Variants in ESRRG observed in about 807,000 individuals in gnomAD.
ESRRG encodes estrogen related receptor gamma.
In ESRRG, 13 loss-of-function variants were observed where a neutral mutation model predicts 44.0. The ratio of observed to expected loss-of-function variants is 0.30; its 90% CI spans 0.19 to 0.47. The LOEUF is 0.47. Ranked by LOEUF, ESRRG falls within the 20% of genes least tolerant of loss-of-function variation. The probability of loss-of-function intolerance (pLI) is 1.00; values close to 1 mark genes in which losing one functional copy is unlikely to be tolerated. For missense variants in ESRRG, 395 were observed against 580.6 expected, an observed-to-expected ratio of 0.68 and a Z score of 3.29; for synonymous variants, 215 against 214.6, an observed-to-expected ratio of 1.00 and a Z score of -0.02.
intron 5 of ESRRG, among the ~76,000 whole-genome samples, chr1:216,529,740 G>T (rs2048729982): frequency 6.6e-6 from 1 of 152,098 alleles, no homozygotes; most frequent in South Asian, 2.1e-4. Flanking sequence ...CACACGTGAA[G>T]TTTAATAATA....
At chr1:216,564,632 A>G (rs1336276374) in intron 4 of ESRRG, among the ~76,000 whole-genome samples, 1 of 152,104 alleles carries the variant, frequency 6.6e-6, no homozygotes, top group East Asian at 1.9e-4. Context: ...GCTGGAATGA[A>G]GCGTCTGTCC....
At chr1:217,123,293 C>T in intron 1 of ESRRG, among the ~76,000 whole-genome samples, 1 of 152,098 alleles carries the variant, frequency 6.6e-6, no homozygotes, top group East Asian at 1.9e-4. Context: ...CCTTGTCATT[C>T]TCCTCCCTCC....
At chr1:217,057,100 C>T (rs1282205056) in intron 1 of ESRRG, among the ~76,000 whole-genome samples, 2 of 152,096 alleles carry the variant, frequency 1.3e-5, no homozygotes, top group Admixed American at 1.3e-4. Context: ...TAAGCCCCCA[C>T]CAGTGAGAAA....
intron 2 of ESRRG, among the ~76,000 whole-genome samples, chr1:216,871,288 C>T (rs1223740043): frequency 6.6e-6 from 1 of 151,948 alleles, no homozygotes; most frequent in Non-Finnish European, 1.5e-5. Context: ...AGACATTTTC[C>T]TATCTTTCTC....
intron 1 of ESRRG, among the ~76,000 whole-genome samples, chr1:216,978,982 C>A (rs1319260770): frequency 6.6e-6 from 1 of 152,156 alleles, no homozygotes; most frequent in Non-Finnish European, 1.5e-5. Flanking sequence ...TCTTCTCTTT[C>A]ACTCACTTAA....
At chr1:216,783,929 A>T (rs978707731) in intron 2 of ESRRG, among the ~76,000 whole-genome samples, 1 of 152,076 alleles carries the variant, frequency 6.6e-6, no homozygotes, top group Non-Finnish European at 1.5e-5. Context: ...TTTCAAAATC[A>T]TATTAGCTTG....
chr1:216,521,026 A>G (rs530954409), intron 5 of ESRRG, among the ~76,000 whole-genome samples: 1 of 152,282 alleles, frequency 6.6e-6, no homozygotes, highest in South Asian at 2.1e-4. Context: ...AAATCATCAG[A>G]AGAGATGAGT....
At chr1:217,040,173 C>T (rs933580633) in intron 1 of ESRRG, among the ~76,000 whole-genome samples, 5 of 152,148 alleles carry the variant, frequency 3.3e-5, no homozygotes, top group African/African-American at 1.2e-4. Context: ...TGTTGCTATA[C>T]ATTTTTTTGA....
At chr1:216,509,972 G>A (rs1350721098) in intron 6 of ESRRG, among the ~76,000 whole-genome samples, 1 of 152,162 alleles carries the variant, frequency 6.6e-6, no homozygotes, top group Non-Finnish European at 1.5e-5. Context: ...ATTAATGTAT[G>A]TAATTTATTT....
intron 2 of ESRRG, among the ~76,000 whole-genome samples, chr1:216,843,984 A>G (rs7516551): frequency 0.46 from 69,001 of 151,630 alleles, 17,030 homozygotes; most frequent in African/African-American, 0.65. Context: ...ATTTTACCTC[A>G]TGCACTGTTT....
intron 1 of ESRRG, among the ~76,000 whole-genome samples, chr1:217,030,994 T>G (rs1299406482): frequency 2.0e-5 from 3 of 152,200 alleles, no homozygotes; most frequent in African/African-American, 7.2e-5. Flanking sequence ...AAATTTAAAA[T>G]TAAAAATGTG....
intron 1 of ESRRG, among the ~76,000 whole-genome samples, chr1:216,997,087 G>A (rs182434961): frequency 5.3e-4 from 80 of 152,224 alleles, no homozygotes; most frequent in Non-Finnish European, 8.1e-4. Context: ...TGCCAAAAAC[G>A]TGGAGAAGAA....
At chr1:216,982,087 C>T (rs2074065177) in intron 1 of ESRRG, among the ~76,000 whole-genome samples, 1 of 152,174 alleles carries the variant, frequency 6.6e-6, no homozygotes, top group African/African-American at 2.4e-5. Flanking sequence ...AAAACTCTTT[C>T]CCCAAAATGC....
At chr1:216,663,450 A>G (rs977298091) in intron 2 of ESRRG, among the ~76,000 whole-genome samples, 1 of 152,336 alleles carries the variant, frequency 6.6e-6, no homozygotes, top group Admixed American at 6.5e-5. Context: ...TCAGCTCTAC[A>G]TTCTAAATTA....
intron 1 of ESRRG, among the ~76,000 whole-genome samples, chr1:216,721,741 C>T (rs1412640944): frequency 6.6e-6 from 1 of 152,242 alleles, no homozygotes; most frequent in Non-Finnish European, 1.5e-5. Context: ...ATAAGACATT[C>T]TTCCTGACAC....
chr1:216,963,134 G>T (rs902042099), intron 1 of ESRRG, among the ~76,000 whole-genome samples: 1 of 152,110 alleles, frequency 6.6e-6, no homozygotes, highest in Non-Finnish European at 1.5e-5. Flanking sequence ...ACTATAAGGC[G>T]CTATATAAAT....
At chr1:217,074,486 A>G (rs530722424) in intron 1 of ESRRG, among the ~76,000 whole-genome samples, 1 of 151,392 alleles carries the variant, frequency 6.6e-6, no homozygotes, top group South Asian at 2.1e-4. Flanking sequence ...TTTTCTAAGT[A>G]ATTTGTATGA....
chr1:217,131,107 A>C (rs2092959201), intron 1 of ESRRG, among the ~76,000 whole-genome samples: 1 of 152,214 alleles, frequency 6.6e-6, no homozygotes, highest in Non-Finnish European at 1.5e-5. Context: ...CATAATTCTG[A>C]AGAAGTATGC....
chr1:217,003,427 T>G (rs1241731081), intron 1 of ESRRG, among the ~76,000 whole-genome samples: 1 of 151,906 alleles, frequency 6.6e-6, no homozygotes, highest in Non-Finnish European at 1.5e-5. Context: ...AGTTTCCCTT[T>G]TCTTAAAATG....
Sources: gnomAD v4.1 joint callset for allele counts (sites outside exome capture counted in the v4.1 genomes callset) on GRCh38, gnomAD v4.1.1 for gene constraint, MANE v1.5 for transcripts, NCBI Gene and HGNC (gene_info 2026-07-23, HGNC 2026-07-21) for gene names.